CNTN4: variants seen among roughly 807,000 people sequenced by gnomAD.
CNTN4 encodes the protein contactin-4.
A neutral mutation model predicts 122.5 loss-of-function variants in CNTN4; 77 were observed. That is an observed-to-expected ratio of 0.63 (90% CI 0.52 to 0.76). The LOEUF (loss-of-function observed/expected upper bound fraction) is 0.76. Among genes scored for constraint, CNTN4 ranks in the 30% least tolerant of loss-of-function variants. The probability of loss-of-function intolerance (pLI) is 0.00; values close to 1 mark genes in which losing one functional copy is unlikely to be tolerated. For synonymous variants in CNTN4, 512 were observed against 447.0 expected, an observed-to-expected ratio of 1.15 and a Z score of -1.83; for missense variants, 1,256 against 1,259.1, an observed-to-expected ratio of 1.00 and a Z score of 0.04.
At chr3:2,484,962 G>A (rs780755496) in intron 3 of CNTN4, among the ~76,000 whole-genome samples, 6 of 152,294 alleles carry the variant, frequency 3.9e-5, no homozygotes, top group South Asian at 2.1e-4. Context: ...CGGCCAGCGC[G>A]AGTTCCAGGT....
At chr3:3,042,239 T>C (rs1336913426) in intron 20 of CNTN4, 71 bp from the exon 21 acceptor site, 3 of 1,074,952 alleles carry the variant, frequency 2.8e-6, no homozygotes, top group Non-Finnish European at 4.3e-6. Context: ...TTTTACCTTA[T>C]AATGCTAGTA....
chr3:2,345,688 G>GA (rs1316757392), intron 3 of CNTN4, among the ~76,000 whole-genome samples: 2 of 152,046 alleles, frequency 1.3e-5, no homozygotes, highest in Non-Finnish European at 2.9e-5. Context: ...CATACAAGTA[G>GA]AAAAAATACA....
chr3:2,353,365 G>A (rs2044723050), intron 3 of CNTN4, among the ~76,000 whole-genome samples: 1 of 152,116 alleles, frequency 6.6e-6, no homozygotes, highest in African/African-American at 2.4e-5. Context: ...TCAGATAAGG[G>A]AATAAAAGCA....
At chr3:2,287,687 AGAAGAGGAAGAAGAAGAAGAAGAG>A (rs2041970698) in intron 2 of CNTN4, among the ~76,000 whole-genome samples, 5 of 92,228 alleles carry the variant, frequency 5.4e-5, no homozygotes, top group African/African-American at 2.1e-4. Context: ...AAGAAGAAGA[AGAAGAGGAAGAAGAAGAAGAAGAG>A]GAAGAAGAAG....
At chr3:2,815,561 G>C (rs1044348422) in intron 6 of CNTN4, among the ~76,000 whole-genome samples, 3 of 152,102 alleles carry the variant, frequency 2.0e-5, no homozygotes, top group African/African-American at 7.2e-5. Flanking sequence ...ACACCTGCAA[G>C]AATGGCCATA....
intron 3 of CNTN4, among the ~76,000 whole-genome samples, chr3:2,404,347 G>A (rs1336083286): frequency 1.3e-5 from 2 of 152,112 alleles, no homozygotes; most frequent in Non-Finnish European, 2.9e-5. Context: ...TCAAGCTGTT[G>A]GCAGAATCCA....
At chr3:2,861,836 T>C (rs1343447876) in intron 7 of CNTN4, among the ~76,000 whole-genome samples, 1 of 152,206 alleles carries the variant, frequency 6.6e-6, no homozygotes, top group Non-Finnish European at 1.5e-5. Flanking sequence ...TTGGATTTGA[T>C]GATCTACATA....
intron 6 of CNTN4, among the ~76,000 whole-genome samples, chr3:2,760,085 T>C (rs1203703868): frequency 6.6e-6 from 1 of 152,236 alleles, no homozygotes; most frequent in Non-Finnish European, 1.5e-5. Flanking sequence ...ACAAGCGCCT[T>C]GTCAAATATA....
At chr3:3,017,684 C>G (rs971727278) in intron 14 of CNTN4, among the ~76,000 whole-genome samples, 2 of 152,186 alleles carry the variant, frequency 1.3e-5, no homozygotes, top group Admixed American at 6.5e-5. Flanking sequence ...CCGTGAAGTG[C>G]AAACTGCACA....
At chr3:2,311,278 C>T (rs545478686) in intron 2 of CNTN4, among the ~76,000 whole-genome samples, 1 of 152,120 alleles carries the variant, frequency 6.6e-6, no homozygotes, top group African/African-American at 2.4e-5. Flanking sequence ...GAATTTTTCC[C>T]CCTTGATTTG....
chr3:2,882,125 G>A (rs2093918351), intron 8 of CNTN4, among the ~76,000 whole-genome samples: 1 of 152,202 alleles, frequency 6.6e-6, no homozygotes. Flanking sequence ...CAATTTAGGA[G>A]GCCAAGGCAG....
intron 2 of CNTN4, among the ~76,000 whole-genome samples, chr3:2,233,223 C>A (rs991452696): frequency 1.3e-5 from 2 of 152,002 alleles, no homozygotes; most frequent in African/African-American, 4.8e-5. Context: ...TTTTACATAC[C>A]AGATTCTTCA....
At chr3:2,451,690 T>C (rs554202336) in intron 3 of CNTN4, among the ~76,000 whole-genome samples, 17 of 152,310 alleles carry the variant, frequency 1.1e-4, no homozygotes, top group Non-Finnish European at 8.8e-5. Context: ...CTTTAGTGTG[T>C]ATATTTCTTG....
intron 4 of CNTN4, among the ~76,000 whole-genome samples, chr3:2,596,932 A>C (rs1169921204): frequency 6.6e-6 from 1 of 152,176 alleles, no homozygotes; most frequent in East Asian, 1.9e-4. Flanking sequence ...GGACACAGTT[A>C]GATATTAAGT....
chr3:2,481,574 G>A (rs181913727), intron 3 of CNTN4, among the ~76,000 whole-genome samples: 14 of 152,228 alleles, frequency 9.2e-5, no homozygotes, highest in Admixed American at 8.5e-4. Context: ...ATCAAAGACC[G>A]ACATGTAAAA....
intron 3 of CNTN4, among the ~76,000 whole-genome samples, chr3:2,542,313 A>G (rs1160490690): frequency 1.3e-5 from 2 of 152,148 alleles, no homozygotes; most frequent in African/African-American, 4.8e-5. Context: ...TAATAGTCAG[A>G]TAGGCAAAAC....
intron 4 of CNTN4, among the ~76,000 whole-genome samples, chr3:2,679,004 CCTATATAT>C (rs1182372621): frequency 1.3e-5 from 2 of 152,040 alleles, no homozygotes; most frequent in African/African-American, 4.8e-5. Context: ...TGAAATGCCC[CCTATATAT>C]CTGTTTTGAA....
intron 2 of CNTN4, among the ~76,000 whole-genome samples, chr3:2,207,858 G>C (rs1297515431): frequency 6.6e-6 from 1 of 152,066 alleles, no homozygotes; most frequent in Non-Finnish European, 1.5e-5. Context: ...CAAAGGACAG[G>C]CTGACTCTCT....
At chr3:2,325,445 T>C (rs2043420612) in intron 2 of CNTN4, among the ~76,000 whole-genome samples, 1 of 152,232 alleles carries the variant, frequency 6.6e-6, no homozygotes, top group African/African-American at 2.4e-5. Context: ...ATTAAAACTC[T>C]TTAGCATTCT....
Sources: allele counts gnomAD v4.1 joint callset (sites outside exome capture counted in the v4.1 genomes callset), GRCh38; gene constraint gnomAD v4.1.1; transcripts MANE v1.5; gene names NCBI Gene and HGNC (gene_info 2026-07-23, HGNC 2026-07-21).